Variants in KASH5 observed in about 807,000 individuals in gnomAD.
KASH5 encodes the protein protein KASH5.
Under a neutral mutation model 84.2 loss-of-function variants are expected in KASH5, and 72 were observed. That is an observed-to-expected ratio of 0.85 (90% CI 0.71 to 1.04). The LOEUF (loss-of-function observed/expected upper bound fraction) is 1.04. Among genes scored for constraint, KASH5 ranks in the 50% least tolerant of loss-of-function variants. KASH5 has a pLI of 0.00. For missense variants in KASH5, 650 were observed against 701.0 expected (o/e 0.93, Z 0.82); for synonymous variants, 260 against 279.1 (o/e 0.93, Z 0.68).
At chr19:49,401,333 C>T (rs950585537) in intron 9 of KASH5, among the ~76,000 whole-genome samples, 1 of 152,112 alleles carries the variant, frequency 6.6e-6, no homozygotes, top group Non-Finnish European at 1.5e-5. Context: ...GAAAGAGAAA[C>T]AGGAGAGAGA....
chr19:49,401,083 A>G (rs909472168), intron 9 of KASH5, among the ~76,000 whole-genome samples: 2 of 152,138 alleles, frequency 1.3e-5, no homozygotes, highest in Non-Finnish European at 2.9e-5. Flanking sequence ...GCTGGCATCT[A>G]CTGTGAGGCC....
At chr19:49,391,105 C>T (rs554970061) in intron 2 of KASH5, among the ~76,000 whole-genome samples, 179 bp downstream of exon 2, 6 of 152,230 alleles carry the variant, frequency 3.9e-5, no homozygotes, top group East Asian at 1.9e-4. Context: ...ACTCTATGCC[C>T]GCCCACCTGT....
At chr19:49,410,486 C>CTTTT (rs35379985) in intron 15 of KASH5, among the ~76,000 whole-genome samples, 1 of 136,072 alleles carries the variant, frequency 7.3e-6, no homozygotes, top group African/African-American at 2.8e-5. Context: ...CCATGACTGG[C>CTTTT]TTTTTTTTTT....
In KASH5 at chr19:49,397,734, C is replaced by A. The variant is rs776449081; in HGVS notation, c.467+17C>A. ...ACCCGAGCTGTACCTATCCTCACACCCCTCCCTGACCCTCCTGCCCACACC... is the reference window on the plus strand; with the variant it reads ...ACCCGAGCTGTACCTATCCTCACACACCTCCCTGACCCTCCTGCCCACACC... On this transcript the variant is annotated intron_variant, in intron 6 of 19. Transcript: ENST00000447857. 6.2e-7 allele frequency: 1 copy of A among 1,611,714 alleles called. No individual in the cohort carries two copies. The highest frequency in any genetic ancestry group is 1.1e-5 in the South Asian group (1 of 90,996).
At chr19:49,409,663 C>G (rs1481048289) in intron 14 of KASH5, 90 bp from the exon 15 acceptor site, 5 of 1,534,400 alleles carry the variant, frequency 3.3e-6, no homozygotes, top group Non-Finnish European at 4.5e-6. Flanking sequence ...ATCCTATTTT[C>G]AGCCGCACAC....
Position 49,390,770 on chromosome 19 carries a change from T to TC in KASH5, c.-95-19_-95-18insC, listed in dbSNP as rs61018355. ...TTGGTGGCTGCTCTGAGGACACCATTTCCTGCTTCTCCTTCCAGGAGTGCT... is the reference window on the plus strand; with the variant it reads ...TTGGTGGCTGCTCTGAGGACACCATTCTCCTGCTTCTCCTTCCAGGAGTGCT... On this transcript the variant is annotated intron_variant, in intron 1 of 19. Transcript: ENST00000447857. 0.5 allele frequency: 616,017 copies of TC among 1,227,630 alleles called. 156,830 individuals are homozygous for TC. The highest frequency in any genetic ancestry group is 0.61 in the South Asian group (37,756 of 61,454). 76.0% of individuals were successfully genotyped at this position (1,227,630 alleles called of 1,614,324 possible). A position where few individuals can be genotyped will look rare whatever the true frequency, so the allele number is the denominator to read the frequency against.
chr19:49,407,688 C>G lies in KASH5; in HGVS notation c.993+17C>G. 1 of 1,589,792 alleles carries G rather than the reference C, an allele frequency of 6.3e-7. No individual in the cohort carries two copies. The highest frequency in any genetic ancestry group is 1.8e-5 in the Admixed American group (1 of 56,842). ...ACGACGCAGGTAACTCAGCGGCCCT[C>G]GCCACCCACCGCGGCCCTCGCCACT... On this transcript the variant is annotated intron_variant, in intron 12 of 19. Transcript: ENST00000447857.
chr19:49,411,820 G>A (rs1974717831), intron 15 of KASH5, among the ~76,000 whole-genome samples: 1 of 152,000 alleles, frequency 6.6e-6, no homozygotes, highest in African/African-American at 2.4e-5. Flanking sequence ...AGGGGTATCT[G>A]TGTCAGGTCA....
In KASH5 at chr19:49,399,040, G is replaced by T; in HGVS notation, c.645G>T (p.Leu215=). 2 of 1,551,500 alleles carry T rather than the reference G, an allele frequency of 1.3e-6. No homozygotes were observed. The highest frequency in any genetic ancestry group is 1.7e-6 in the Non-Finnish European group (2 of 1,146,916). Residue 215 remains leucine, a synonymous_variant, in exon 8 of 20, where the codon CTG becomes CTT. Coordinates refer to ENST00000447857, the MANE Select transcript of KASH5 (RefSeq NM_144688.5). The surrounding 1 kb of genome is among the most constrained non-coding windows in gnomAD (Gnocchi z 4.4). ...RKQLHSTQQA[L]QFAKAMDEEL... ...CCGCATTCAGCACCCAGCAGGCCCT[G>T]CAGTTTGCCAAGGCCATGGATGAGG...
chr19:49,403,021 T>C (rs7256071), intron 9 of KASH5, among the ~76,000 whole-genome samples: 83,935 of 151,792 alleles, frequency 0.55, 23,359 homozygotes, highest in South Asian at 0.65. Flanking sequence ...TGCAACAGCT[T>C]CAATCTCATG....
At position 49,390,888 on chromosome 19, in the gene KASH5, A is replaced by T. The variant is rs1172014203; in HGVS notation, c.5A>T (p.Asp2Val). 1 of 1,599,094 alleles carries T rather than the reference A, an allele frequency of 6.3e-7. No homozygotes were observed. The highest frequency in any genetic ancestry group is 1.4e-5 in the African/African-American group (1 of 73,734). ...GCGCCGCGGCAGGGGTGGCCCATGG[A>T]CCTGCCCGAGGGCCCGGTGGGTGGC... M[D>V]LPEGPVGGPT... The change falls in exon 2 of 20, where the codon GAC becomes GTC. Residue 2 changes from aspartate to valine, a missense_variant. Transcript: ENST00000447857.
chr19:49,415,426 C>T (rs1191276348), intron 17 of KASH5: 5 of 280,584 alleles, frequency 1.8e-5, no homozygotes, highest in Admixed American at 4.9e-5. Flanking sequence ...GCCAGTTCCT[C>T]TGCTCCTCAG....
At chr19:49,402,249 A>G (rs189187200) in intron 9 of KASH5, among the ~76,000 whole-genome samples, 43 of 150,862 alleles carry the variant, frequency 2.9e-4, no homozygotes, top group Admixed American at 7.9e-4. Flanking sequence ...CTCAAAAAAA[A>G]AAGGAAAAGA....
intron 1 of KASH5, among the ~76,000 whole-genome samples, chr19:49,388,861 A>T (rs1362790958): frequency 6.6e-6 from 1 of 151,992 alleles, no homozygotes; most frequent in Non-Finnish European, 1.5e-5. Context: ...TACTCTCCCC[A>T]GATCAGCAGA....
chr19:49,393,682 C>CGTGTGTGT (rs34539350), intron 2 of KASH5: 1,862 of 142,522 alleles, frequency 0.013, 19 homozygotes, highest in African/African-American at 0.019. Flanking sequence ...GACCCCAGGA[C>CGTGTGTGT]GTGTGTGTGT....
In KASH5 at chr19:49,407,682, G is replaced by A. The variant is rs79904084; in HGVS notation, c.993+11G>A. The A allele has an allele frequency of 7.8e-3, 12,522 of 1,597,318 alleles. 428 individuals are homozygous for A. In the African/African-American group the frequency reaches 0.1, roughly 13 times the overall value. ...AGAGTGACGACGCAGGTAACTCAGCGGCCCTCGCCACCCACCGCGGCCCTC... is the reference window on the plus strand; with the variant it reads ...AGAGTGACGACGCAGGTAACTCAGCAGCCCTCGCCACCCACCGCGGCCCTC... On this transcript the variant is annotated intron_variant, in intron 12 of 19. Transcript: ENST00000447857.
At chr19:49,398,252 G>T in intron 7 of KASH5, 109 bp downstream of exon 7, 1 of 893,472 alleles carries the variant, frequency 1.1e-6, no homozygotes, top group Non-Finnish European at 1.6e-6. Context: ...CTTTGACTCT[G>T]TACCTGTCCT....
chr19:49,402,235 C>T (rs1216112941), intron 9 of KASH5, among the ~76,000 whole-genome samples: 1 of 148,488 alleles, frequency 6.7e-6, no homozygotes, highest in African/African-American at 2.5e-5. Flanking sequence ...GAGCAAGACT[C>T]AGTCTCAAAA....
chr19:49,394,038 G>A (rs774547292), intron 2 of KASH5, among the ~76,000 whole-genome samples: 1 of 152,134 alleles, frequency 6.6e-6, no homozygotes, highest in Non-Finnish European at 1.5e-5. Flanking sequence ...GATGCAGCAG[G>A]CGGGATCGAT....
Sources: gnomAD v4.1 joint callset for allele counts (sites outside exome capture counted in the v4.1 genomes callset) on GRCh38, gnomAD v4.1.1 for gene constraint, Gnocchi (gnomAD v3.1) non-coding constraint, MANE v1.5 for transcripts, NCBI Gene and HGNC (gene_info 2026-07-23, HGNC 2026-07-21) for gene names.